SLC37A1: variants seen among roughly 807,000 people sequenced by gnomAD.
SLC37A1 encodes the protein glucose-6-phosphate exchanger SLC37A1.
In SLC37A1, 49 loss-of-function variants were observed where a neutral mutation model predicts 75.3. The ratio of observed to expected loss-of-function variants is 0.65; its 90% confidence interval spans 0.52 to 0.83. The LOEUF is 0.83. Ranked by LOEUF, SLC37A1 falls within the 40% of genes least tolerant of loss-of-function variation. The probability of loss-of-function intolerance (pLI) is 0.00; values close to 1 mark genes in which losing one functional copy is unlikely to be tolerated. For synonymous variants in SLC37A1, 268 were observed against 292.1 expected, an observed-to-expected ratio of 0.92 and a Z score of 0.84; for missense variants, 566 against 695.0, an observed-to-expected ratio of 0.81 and a Z score of 2.09.
intron 5 of SLC37A1, 40 bp from the exon 6 acceptor site, chr21:42,539,472 G>GTTTGTTATTCC: frequency 6.3e-7 from 1 of 1,582,484 alleles, no homozygotes; most frequent in Non-Finnish European, 8.6e-7. Flanking sequence ...ATTCGGGCGT[G>GTTTGTTATTCC]TTTGTTATTC....
chr21:42,529,148 CAAAA>C (rs984292165), intron 3 of SLC37A1, among the ~76,000 whole-genome samples: 2 of 151,936 alleles, frequency 1.3e-5, no homozygotes, highest in Non-Finnish European at 2.9e-5. Context: ...TGAGAATAGA[CAAAA>C]AAGTCAGTAG....
intron 8 of SLC37A1, among the ~76,000 whole-genome samples, chr21:42,544,154 T>C (rs139341589): frequency 1.1e-3 from 163 of 152,322 alleles, no homozygotes; most frequent in African/African-American, 3.7e-3. Flanking sequence ...GCTGAGAAGA[T>C]TCAGGACAGT....
At chr21:42,562,886 G>C (rs80031449) in intron 12 of SLC37A1, among the ~76,000 whole-genome samples, 3,056 of 152,260 alleles carry the variant, frequency 0.02, 104 homozygotes, top group African/African-American at 0.07. Context: ...GGCAGAATCC[G>C]GCAATGTCTC....
intron 11 of SLC37A1, among the ~76,000 whole-genome samples, chr21:42,559,554 C>G (rs1458083960): frequency 6.6e-6 from 1 of 152,228 alleles, no homozygotes; most frequent in South Asian, 2.1e-4. Flanking sequence ...GTGGCCTTCG[C>G]GAGCCCGGCT....
intron 6 of SLC37A1, among the ~76,000 whole-genome samples, chr21:42,540,579 G>A (rs1344967533): frequency 1.3e-5 from 2 of 152,154 alleles, no homozygotes; most frequent in African/African-American, 2.4e-5. Context: ...AGGACAGCGC[G>A]CGCTGGCTTT....
In SLC37A1 at chr21:42,542,778, C is replaced by A. The variant is rs1287960582; in HGVS notation, c.563+298C>A. Among the ~76,000 whole-genome samples the A allele has an allele frequency of 2.6e-5, 4 of 152,242 alleles. No individual in the cohort carries two copies. In the East Asian group the frequency reaches 7.7e-4, roughly 29 times the overall value. On this transcript the variant is annotated intron_variant, in intron 7 of 19. Coordinates refer to ENST00000352133, the MANE Select transcript of SLC37A1 (RefSeq NM_001320537.2). ...CAGAGTCCAGGACCCTGCCCCAGGC[C>A]TTTTGAAGCCAAAGCTACATGTTAA...
intron 2 of SLC37A1, among the ~76,000 whole-genome samples, chr21:42,520,239 C>T (rs1001564539): frequency 1.3e-5 from 2 of 152,142 alleles, no homozygotes; most frequent in Non-Finnish European, 2.9e-5. Context: ...TTCTTCTGTT[C>T]AGGATCTAGT....
intron 10 of SLC37A1, among the ~76,000 whole-genome samples, chr21:42,557,843 T>C (rs549828318): frequency 6.6e-6 from 1 of 152,204 alleles, no homozygotes; most frequent in Non-Finnish European, 1.5e-5. Context: ...TATAGTGAGA[T>C]AAGTACCACA....
Position 42,580,476 on chromosome 21 carries a change from C to A in SLC37A1, c.*116C>A. 3 of 1,164,622 alleles carry A rather than the reference C, an allele frequency of 2.6e-6. No individual in the cohort carries two copies. The highest frequency in any genetic ancestry group is 3.6e-6 in the Non-Finnish European group (3 of 826,314). 72.1% of individuals were successfully genotyped at this position (1,164,622 alleles called of 1,614,324 possible). ...GAGTGACCTCCCTTTGCCTTTTGCACACGCACCTGGAAAAGACACAGAAGC... is the reference window on the plus strand; with the variant it reads ...GAGTGACCTCCCTTTGCCTTTTGCAAACGCACCTGGAAAAGACACAGAAGC... On this transcript the variant is annotated 3_prime_UTR_variant, in exon 20 of 20. Coordinates refer to ENST00000352133, the MANE Select transcript of SLC37A1 (RefSeq NM_001320537.2).
At chr21:42,577,434 A>T (rs534145471) in intron 18 of SLC37A1, among the ~76,000 whole-genome samples, 3 of 152,252 alleles carry the variant, frequency 2.0e-5, no homozygotes, top group Admixed American at 2.0e-4. Context: ...AAGCTTTCTG[A>T]CTCTCAGTTT....
intron 17 of SLC37A1, among the ~76,000 whole-genome samples, chr21:42,571,850 T>A (rs1333868249): frequency 6.6e-6 from 1 of 152,180 alleles, no homozygotes; most frequent in Non-Finnish European, 1.5e-5. Flanking sequence ...CTTCCTTCCC[T>A]GCACCGTGGT....
chr21:42,559,455 C>T (rs1272188914), intron 11 of SLC37A1, among the ~76,000 whole-genome samples: 1 of 152,254 alleles, frequency 6.6e-6, no homozygotes, highest in Non-Finnish European at 1.5e-5. Flanking sequence ...CCACCTGGCC[C>T]CTGTGGCCCG....
Position 42,514,051 on chromosome 21 carries a change from C to A in SLC37A1, c.-845C>A, listed in dbSNP as rs1166827616. ...CCTGCGGCGCCCTCAGGGAGCCGGG[C>A]GCGGGGCCCTGCGCACTCGGAGCTC... On this transcript the variant is annotated 5_prime_UTR_variant, in exon 1 of 20. Coordinates refer to ENST00000352133, the MANE Select transcript of SLC37A1 (RefSeq NM_001320537.2). This position sits in a 1 kb window ranked among gnomAD's most constrained non-coding sequence, Gnocchi z 4.8. 2.0e-5 allele frequency: 3 copies of A among 149,892 alleles called. No individual in the cohort carries two copies. Among genetic ancestry groups the A allele is most frequent in the African/African-American group, 7.3e-5 (3 of 40,928 alleles). The allele number at this position is 149,892 out of a possible 1,614,324, so 9.3% of individuals were successfully genotyped here.
intron 7 of SLC37A1, 145 bp from the exon 8 acceptor site, chr21:42,543,291 T>TGGCACAGAAGCAGGGTCC: frequency 1.1e-6 from 1 of 912,356 alleles, no homozygotes; most frequent in South Asian, 1.4e-5. Flanking sequence ...TCGCGAGTCC[T>TGGCACAGAAGCAGGGTCC]GCATGGCACA....
At chr21:42,515,973 G>A (rs2054514702) in intron 1 of SLC37A1, among the ~76,000 whole-genome samples, 1 of 152,142 alleles carries the variant, frequency 6.6e-6, no homozygotes, top group South Asian at 2.1e-4. Flanking sequence ...TGGCCATGCT[G>A]GTCTCGAACT....
At chr21:42,572,560 T>A (rs2056203455) in intron 17 of SLC37A1, among the ~76,000 whole-genome samples, 3 of 152,072 alleles carry the variant, frequency 2.0e-5, no homozygotes, top group Admixed American at 6.5e-5. Context: ...CATTTTACTT[T>A]TCCTGCCATA....
chr21:42,570,403 T>C (rs1232638446), intron 17 of SLC37A1, among the ~76,000 whole-genome samples: 1 of 152,214 alleles, frequency 6.6e-6, no homozygotes, highest in Non-Finnish European at 1.5e-5. Flanking sequence ...GTCTCTGCCC[T>C]TCATGTTGGT....
At chr21:42,516,532 C>T (rs1182455423) in intron 1 of SLC37A1, among the ~76,000 whole-genome samples, 1 of 152,216 alleles carries the variant, frequency 6.6e-6, no homozygotes, top group African/African-American at 2.4e-5. Flanking sequence ...ATTAGTTGAG[C>T]TCTTAACATC....
chr21:42,505,115 A>G (rs1184008017), intron 2 of SLC37A1, among the ~76,000 whole-genome samples: 1 of 152,138 alleles, frequency 6.6e-6, no homozygotes, highest in Admixed American at 6.5e-5. Flanking sequence ...TGCCACACTG[A>G]CCAGAATAAT....
Sources: gnomAD v4.1 joint callset for allele counts (sites outside exome capture counted in the v4.1 genomes callset) on GRCh38, gnomAD v4.1.1 for gene constraint, Gnocchi (gnomAD v3.1) non-coding constraint, MANE v1.5 for transcripts, NCBI Gene and HGNC (gene_info 2026-07-23, HGNC 2026-07-21) for gene names.